Variants in SYT16 observed in about 807,000 individuals in gnomAD.
SYT16 encodes synaptotagmin-16.
SYT16 carries 42 observed loss-of-function variants against 61.4 expected under a neutral mutation model. The observed-to-expected ratio is 0.68, with a 90% CI of 0.53 to 0.89. SYT16 has a LOEUF of 0.89. Among genes scored for constraint, SYT16 ranks in the 40% least tolerant of loss-of-function variants. SYT16 has a pLI of 0.00. For missense variants in SYT16, 804 were observed against 807.3 expected (o/e 1.00, Z 0.05); for synonymous variants, 314 against 302.3 (o/e 1.04, Z -0.40).
intron 3 of SYT16, among the ~76,000 whole-genome samples, chr14:62,013,683 C>T (rs187794110): frequency 2.1e-4 from 32 of 152,244 alleles, no homozygotes; most frequent in East Asian, 1.4e-3. Context: ...GTTGACTATT[C>T]GGCCAAGTGC....
At chr14:61,863,969 G>A (rs60049349) in intron 1 of SYT16, among the ~76,000 whole-genome samples, 7,994 of 152,208 alleles carry the variant, frequency 0.053, 498 homozygotes, top group African/African-American at 0.15. Flanking sequence ...TCTATTGATC[G>A]ATTTATTCTT....
At chr14:61,898,526 G>T (rs2048404482) in intron 1 of SYT16, among the ~76,000 whole-genome samples, 1 of 152,172 alleles carries the variant, frequency 6.6e-6, no homozygotes, top group Non-Finnish European at 1.5e-5. Context: ...GAAATCCCGG[G>T]GCCATGATAG....
intron 3 of SYT16, among the ~76,000 whole-genome samples, chr14:62,040,629 GAAAT>G (rs2054690195): frequency 6.6e-6 from 1 of 152,076 alleles, no homozygotes; most frequent in African/African-American, 2.4e-5. Context: ...CTGCATTTAA[GAAAT>G]ATTGTTTCAC....
intron 2 of SYT16, among the ~76,000 whole-genome samples, chr14:61,993,433 A>T (rs921820143): frequency 6.6e-6 from 1 of 152,146 alleles, no homozygotes; most frequent in Admixed American, 6.5e-5. Context: ...AAAAAAAATT[A>T]AAAAATTCAG....
chr14:62,045,684 T>C (rs12434527), intron 3 of SYT16, among the ~76,000 whole-genome samples: 10,539 of 152,152 alleles, frequency 0.069, 459 homozygotes, highest in East Asian at 0.12. Context: ...TTCCCACCTA[T>C]GAGTGAGAAC....
intron 3 of SYT16, among the ~76,000 whole-genome samples, chr14:62,050,434 G>A (rs564113116): frequency 2.0e-5 from 3 of 152,102 alleles, no homozygotes; most frequent in South Asian, 4.2e-4. Flanking sequence ...CCTTTAGCTC[G>A]GAGTAGTTTG....
intron 3 of SYT16, among the ~76,000 whole-genome samples, chr14:62,017,508 C>T (rs1446660271): frequency 1.3e-5 from 2 of 152,180 alleles, no homozygotes; most frequent in African/African-American, 4.8e-5. Context: ...CCTGTGCTTT[C>T]CACAATTATG....
intron 1 of SYT16, among the ~76,000 whole-genome samples, chr14:61,962,929 T>G (rs1013649062): frequency 6.6e-5 from 10 of 152,308 alleles, no homozygotes; most frequent in African/African-American, 2.2e-4. Context: ...TTGTGTTTTC[T>G]TATAGCTCAC....
intron 1 of SYT16, among the ~76,000 whole-genome samples, chr14:61,913,072 C>A (rs217629): frequency 0.9 from 136,547 of 152,246 alleles, 61,382 homozygotes; most frequent in East Asian, 0.98. Flanking sequence ...TCCCTTCTCC[C>A]TATCCCTCCC....
In SYT16 at chr14:62,107,744, A is replaced by G. The variant is rs1166391886; in HGVS notation, c.*7037A>G. On this transcript the variant is annotated 3_prime_UTR_variant, in exon 8 of 8. Transcript: ENST00000683842. ...AATAGGTACACTTGTTTGTCAGTCTATGCTTTCATTCAAAATAAATGGATA... is the reference window on the plus strand; with the variant it reads ...AATAGGTACACTTGTTTGTCAGTCTGTGCTTTCATTCAAAATAAATGGATA... 6.6e-6 allele frequency: 1 copy of G among 152,208 alleles called. No homozygotes were observed. Among genetic ancestry groups the G allele is most frequent in the Admixed American group, 6.5e-5 (1 of 15,286 alleles). 9.4% of individuals were successfully genotyped at this position (152,208 alleles called of 1,614,324 possible).
At chr14:62,072,370 C>A (rs2056330990) in intron 4 of SYT16, among the ~76,000 whole-genome samples, 1 of 152,094 alleles carries the variant, frequency 6.6e-6, no homozygotes. Flanking sequence ...CATGCAAACA[C>A]CTGCACATGC....
At chr14:62,034,212 T>G (rs1227132881) in intron 3 of SYT16, among the ~76,000 whole-genome samples, 3 of 152,122 alleles carry the variant, frequency 2.0e-5, no homozygotes, top group African/African-American at 7.2e-5. Flanking sequence ...CAAGTGTTGG[T>G]GAGGATGTGG....
chr14:61,892,097 CT>C (rs1389893262), intron 1 of SYT16, among the ~76,000 whole-genome samples: 1 of 151,946 alleles, frequency 6.6e-6, no homozygotes, highest in Non-Finnish European at 1.5e-5. Context: ...TCTCCACTTA[CT>C]CCCCTTTCTG....
At chr14:61,910,729 A>G (rs182914928) in intron 1 of SYT16, among the ~76,000 whole-genome samples, 31 of 151,992 alleles carry the variant, frequency 2.0e-4, no homozygotes, top group African/African-American at 7.5e-4. Flanking sequence ...GGGTTTCACT[A>G]TGTTGGCCAG....
chr14:62,015,063 T>C (rs2053615174), intron 3 of SYT16, among the ~76,000 whole-genome samples: 1 of 152,238 alleles, frequency 6.6e-6, no homozygotes, highest in Non-Finnish European at 1.5e-5. Flanking sequence ...CCAGCTTCTG[T>C]TGCATTCTGC....
At position 62,105,926 on chromosome 14, in the gene SYT16, A is replaced by C. The variant is rs2057504451; in HGVS notation, c.*5219A>C. The stretch of plus-strand genomic sequence containing the variant: ...AAGACATTGGAGAATCACTTAGCTT[A>C]GGGCTTTTAGTAGGGAATAATTAAA... On this transcript the variant is annotated 3_prime_UTR_variant, in exon 8 of 8. Transcript: ENST00000683842. 6.6e-6 allele frequency: 1 copy of C among 152,162 alleles called. No individual in the cohort carries two copies. Among genetic ancestry groups the C allele is most frequent in the Admixed American group, 6.6e-5 (1 of 15,262 alleles). 9.4% of individuals were successfully genotyped at this position (152,162 alleles called of 1,614,324 possible).
intron 3 of SYT16, among the ~76,000 whole-genome samples, chr14:62,059,777 TACACACAC>T (rs34498170): frequency 2.0e-5 from 3 of 146,756 alleles, no homozygotes; most frequent in Admixed American, 6.8e-5. Flanking sequence ...TGTATACACA[TACACACAC>T]ACACACACAC....
At chr14:61,970,797 T>G (rs1450209866) in intron 2 of SYT16, among the ~76,000 whole-genome samples, 2 of 152,220 alleles carry the variant, frequency 1.3e-5, no homozygotes, top group Non-Finnish European at 2.9e-5. Context: ...TTCCTGCTCT[T>G]AAAGGACATA....
intron 1 of SYT16, among the ~76,000 whole-genome samples, chr14:61,845,724 G>T (rs1189474741): frequency 6.6e-6 from 1 of 151,838 alleles, no homozygotes; most frequent in Non-Finnish European, 1.5e-5. Context: ...TACTAATTTT[G>T]GGTTTGGCTT....
Sources: allele counts gnomAD v4.1 joint callset (sites outside exome capture counted in the v4.1 genomes callset), GRCh38; gene constraint gnomAD v4.1.1; transcripts MANE v1.5; gene names NCBI Gene and HGNC (gene_info 2026-07-23, HGNC 2026-07-21).